The following SOCS4 variants were observed in gnomAD, a reference collection of about 807,000 sequenced individuals.
SOCS4 encodes the protein suppressor of cytokine signaling 4.
A neutral mutation model predicts 34.1 loss-of-function variants in SOCS4; 20 were observed. The ratio of observed to expected loss-of-function variants is 0.59; its 90% CI spans 0.41 to 0.85. The LOEUF is 0.85. Among genes scored for constraint, SOCS4 ranks in the 40% least tolerant of loss-of-function variants. The pLI is 0.00. For synonymous variants in SOCS4, 180 were observed against 186.4 expected, an observed-to-expected ratio of 0.97 and a Z score of 0.28; for missense variants, 479 against 532.4, an observed-to-expected ratio of 0.90 and a Z score of 0.99.
At chr14:55,033,861 G>A (rs1388461781) in intron 2 of SOCS4, among the ~76,000 whole-genome samples, 2 of 152,184 alleles carry the variant, frequency 1.3e-5, no homozygotes, top group Admixed American at 6.5e-5. Flanking sequence ...AGCTGGGCAC[G>A]GTGGCGCATG....
At position 55,041,624 on chromosome 14, in the gene SOCS4, G is replaced by A. The variant is rs576859812; in HGVS notation, c.-90-1328G>A. ...CTAGTAGCTGGGATTACAGGCACCC[G>A]TCACTGTGCCTGGCTAATTTTTGTA... On this transcript the variant is annotated intron_variant, in intron 2 of 2. Transcript: ENST00000555846. Among the ~76,000 whole-genome samples, 349 of 151,164 alleles carry A rather than the reference G, an allele frequency of 2.3e-3. 1 individual carries two copies. Among genetic ancestry groups the A allele is most frequent in the Admixed American group, 4.1e-3 (63 of 15,184 alleles).
rs897451807 is a variant in SOCS4 at position 55,047,080 on chromosome 14, G to A, written c.*2716G>A. 1.8e-5 allele frequency: 3 copies of A among 167,076 alleles called. No homozygotes were observed. The highest frequency in any genetic ancestry group is 7.2e-5 in the African/African-American group (3 of 41,456). 10.3% of individuals were successfully genotyped at this position (167,076 alleles called of 1,614,324 possible). A position where few individuals can be genotyped will look rare whatever the true frequency, so the allele number is the denominator to read the frequency against. The stretch of plus-strand genomic sequence containing the variant: ...AGATTTGAACAGTGTAAATTCCAGA[G>A]TTGAGAAAGCATTTAGCATGGTGGA... On this transcript the variant is annotated 3_prime_UTR_variant, in exon 3 of 3. Coordinates refer to ENST00000555846, the MANE Select transcript of SOCS4 (RefSeq NM_199421.2).
intron 2 of SOCS4, among the ~76,000 whole-genome samples, chr14:55,038,490 C>CT (rs1476755728): frequency 6.6e-6 from 1 of 152,190 alleles, no homozygotes; most frequent in African/African-American, 2.4e-5. Context: ...TGGCCATTCT[C>CT]TTTCTCCAGG....
intron 2 of SOCS4, among the ~76,000 whole-genome samples, chr14:55,042,407 T>A (rs1474556276): frequency 6.6e-6 from 1 of 152,250 alleles, no homozygotes; most frequent in Non-Finnish European, 1.5e-5. Context: ...GCATTTTTGC[T>A]GTTCAATGGT....
At chr14:55,039,708 A>T (rs1014658978) in intron 2 of SOCS4, among the ~76,000 whole-genome samples, 1 of 152,182 alleles carries the variant, frequency 6.6e-6, no homozygotes, top group Non-Finnish European at 1.5e-5. Context: ...CCTGGCTAAC[A>T]TGGTGAAACC....
At position 55,047,673 on chromosome 14, in the gene SOCS4, A is replaced by C. The variant is rs2042688878; in HGVS notation, c.*3309A>C. ...GTTAAAGTTTTGACTTCTTATTATA[A>C]ATAATATAAAGAATGTCTCAGTAAT... On this transcript the variant is annotated 3_prime_UTR_variant, in exon 3 of 3. Transcript: ENST00000555846. 1 of 167,102 alleles carries C rather than the reference A, an allele frequency of 6.0e-6. No individual in the cohort carries two copies. Among genetic ancestry groups the C allele is most frequent in the African/African-American group, 2.4e-5 (1 of 41,452 alleles). 10.4% of individuals were successfully genotyped at this position (167,102 alleles called of 1,614,324 possible). A position where few individuals can be genotyped will look rare whatever the true frequency, so the allele number is the denominator to read the frequency against.
chr14:55,027,948 G>T (rs2042484004), intron 1 of SOCS4, among the ~76,000 whole-genome samples: 1 of 152,198 alleles, frequency 6.6e-6, no homozygotes, highest in South Asian at 2.1e-4. Context: ...ATCTGCTAAA[G>T]TCTTGGCCAC....
chr14:55,028,843 TC>T (rs1326462656), intron 1 of SOCS4, among the ~76,000 whole-genome samples: 2 of 152,218 alleles, frequency 1.3e-5, no homozygotes, highest in Non-Finnish European at 2.9e-5. Flanking sequence ...TTGAATATGT[TC>T]CTTTACTGAA....
intron 2 of SOCS4, among the ~76,000 whole-genome samples, chr14:55,034,821 A>G (rs2140244104): frequency 1.3e-5 from 2 of 148,416 alleles, no homozygotes; most frequent in South Asian, 4.2e-4. Flanking sequence ...CTTCACCTCA[A>G]AAAAAAAAAA....
At position 55,044,345 on chromosome 14, in the gene SOCS4, C is replaced by T. The variant is rs765350097; in HGVS notation, c.1304C>T (p.Ala435Val). ...AAAGTTAGAGTACTCAGGATTGATGCACCAGAACAGCAATGCTAGTAACAG... is the reference window on the plus strand; with the variant it reads ...AAAGTTAGAGTACTCAGGATTGATGTACCAGAACAGCAATGCTAGTAACAG... ...KSKVRVLRID[A>V]PEQQC is the part of the protein sequence containing the mutation. Residue 435 changes from alanine (A) to valine (V), a missense_variant, in exon 3 of 3, where the codon GCA becomes GTA. Ala to Val is a moderately conservative substitution (Grantham distance 64, BLOSUM62 0). Coordinates refer to ENST00000555846, the MANE Select transcript of SOCS4 (RefSeq NM_199421.2). The T allele has an allele frequency of 6.2e-7, 1 of 1,608,658 alleles. No individual in the cohort carries two copies. Among genetic ancestry groups the T allele is most frequent in the Non-Finnish European group, 8.5e-7 (1 of 1,176,566 alleles).
chr14:55,039,668 C>T (rs1000399804), intron 2 of SOCS4, among the ~76,000 whole-genome samples: 3 of 152,242 alleles, frequency 2.0e-5, no homozygotes, highest in African/African-American at 7.2e-5. Context: ...CCGAGGTGGG[C>T]GGACCACGAA....
At chr14:55,042,923 G>T in intron 2 of SOCS4, 29 bp from the exon 3 acceptor site, 1 of 870,794 alleles carries the variant, frequency 1.1e-6, no homozygotes, top group Non-Finnish European at 1.7e-6. Flanking sequence ...GATGACAAAT[G>T]GTTAATGACT....
chr14:55,047,569 T>C lies in SOCS4; in HGVS notation c.*3205T>C, dbSNP rs769832497. The C allele has an allele frequency of 6.6e-5, 11 of 167,110 alleles. No individual in the cohort carries two copies. The highest frequency in any genetic ancestry group is 1.5e-4 in the Non-Finnish European group (10 of 68,118). The allele number at this position is 167,110 out of a possible 1,614,324, so 10.4% of individuals were successfully genotyped here. ...AGCTTTTAGTCAGCCTGTGGCTAGA[T>C]TTATTGATTTGGTGATCAAACCTGT... On this transcript the variant is annotated 3_prime_UTR_variant, in exon 3 of 3. Coordinates refer to ENST00000555846, the MANE Select transcript of SOCS4 (RefSeq NM_199421.2).
intron 2 of SOCS4, among the ~76,000 whole-genome samples, chr14:55,040,478 C>T (rs1157770646): frequency 6.6e-6 from 1 of 152,222 alleles, no homozygotes; most frequent in Non-Finnish European, 1.5e-5. Context: ...GGCGCACTGG[C>T]TCATGCCTGT....
intron 2 of SOCS4, among the ~76,000 whole-genome samples, chr14:55,039,989 A>G (rs557628700): frequency 2.6e-5 from 4 of 152,360 alleles, no homozygotes; most frequent in South Asian, 2.1e-4. Context: ...TAGCAAGGAG[A>G]CAAGACTAGA....
chr14:55,046,021 CTT>C lies in SOCS4; in HGVS notation c.*1660_*1661del, dbSNP rs952031667. 4.8e-5 allele frequency: 8 copies of C among 166,268 alleles called. No individual in the cohort carries two copies. Among genetic ancestry groups the C allele is most frequent in the African/African-American group, 1.9e-4 (8 of 41,412 alleles). The allele number at this position is 166,268 out of a possible 1,614,324, so 10.3% of individuals were successfully genotyped here. A position where few individuals can be genotyped will look rare whatever the true frequency, so the allele number is the denominator to read the frequency against. ...TAAGGAAAATCTCTATTACCGTTAT[CTT>C]TTAGCATTTTTTTTTTCCTCAGTGA... On this transcript the variant is annotated 3_prime_UTR_variant, in exon 3 of 3. Coordinates refer to ENST00000555846, the MANE Select transcript of SOCS4 (RefSeq NM_199421.2).
In SOCS4 at chr14:55,044,428, T is replaced by C. The variant is rs2042655647; in HGVS notation, c.*64T>C. On this transcript the variant is annotated 3_prime_UTR_variant, in exon 3 of 3. Coordinates refer to ENST00000555846, the MANE Select transcript of SOCS4 (RefSeq NM_199421.2). ...TTCTTTTAATATTTTATTTTTCTTT[T>C]TATGCCACTTTGGATTTTTCTACAA... The C allele has an allele frequency of 3.3e-6, 4 of 1,207,050 alleles. No individual in the cohort carries two copies. The highest frequency in any genetic ancestry group is 4.3e-6 in the Non-Finnish European group (4 of 940,390). 74.8% of individuals were successfully genotyped at this position (1,207,050 alleles called of 1,614,324 possible).
At chr14:55,037,021 C>T (rs1057466554) in intron 2 of SOCS4, among the ~76,000 whole-genome samples, 1 of 151,870 alleles carries the variant, frequency 6.6e-6, no homozygotes, top group African/African-American at 2.4e-5. Flanking sequence ...GAGGCTGAGG[C>T]AGGAGGATCA....
In SOCS4 at chr14:55,048,368, A is replaced by C. The variant is rs1044986511; in HGVS notation, c.*4004A>C. ...ATTATAAGAGATTCCTGGAGACAAC[A>C]CAAGGAAAACAATGTTTAAAAGCAA... On this transcript the variant is annotated 3_prime_UTR_variant, in exon 3 of 3. Coordinates refer to ENST00000555846, the MANE Select transcript of SOCS4 (RefSeq NM_199421.2). 1.2e-5 allele frequency: 2 copies of C among 167,134 alleles called. No homozygotes were observed. The highest frequency in any genetic ancestry group is 4.8e-5 in the African/African-American group (2 of 41,474). The allele number at this position is 167,134 out of a possible 1,614,324, so 10.4% of individuals were successfully genotyped here. A position where few individuals can be genotyped will look rare whatever the true frequency, so the allele number is the denominator to read the frequency against.
Sources: gnomAD v4.1 joint callset for allele counts (sites outside exome capture counted in the v4.1 genomes callset) on GRCh38, gnomAD v4.1.1 for gene constraint, MANE v1.5 for transcripts, NCBI Gene and HGNC (gene_info 2026-07-23, HGNC 2026-07-21) for gene names.